PLCL2: variants seen among roughly 807,000 people sequenced by gnomAD.
PLCL2 encodes the protein inactive phospholipase C-like protein 2.
A neutral mutation model predicts 79.6 loss-of-function variants in PLCL2; 4 were observed. The ratio of observed to expected loss-of-function variants is 0.05; its 90% CI spans 0.02 to 0.11. The LOEUF is 0.11. Ranked by LOEUF, PLCL2 falls within the 10% of genes least tolerant of loss-of-function variation. The pLI is 1.00. For missense variants in PLCL2, 895 were observed against 1,291.0 expected (o/e 0.69, Z 4.70); for synonymous variants, 484 against 457.7 (o/e 1.06, Z -0.73).
At chr3:17,050,199 A>G (rs1453169326) in intron 4 of PLCL2, among the ~76,000 whole-genome samples, 3 of 152,162 alleles carry the variant, frequency 2.0e-5, no homozygotes, top group Non-Finnish European at 2.9e-5. Flanking sequence ...TAAATCTGTG[A>G]CATCAAACTG....
intron 1 of PLCL2, among the ~76,000 whole-genome samples, chr3:16,959,062 C>G (rs549735157): frequency 6.6e-6 from 1 of 152,182 alleles, no homozygotes; most frequent in African/African-American, 2.4e-5. Flanking sequence ...CAACTCTGCT[C>G]CAGTGCTAAC....
chr3:16,967,111 G>A (rs2063815597), intron 1 of PLCL2, among the ~76,000 whole-genome samples: 2 of 152,050 alleles, frequency 1.3e-5, no homozygotes, highest in South Asian at 4.1e-4. Flanking sequence ...TTCTTTTTAT[G>A]GCTGTGTAGT....
At chr3:16,961,795 A>G (rs1441943005) in intron 1 of PLCL2, among the ~76,000 whole-genome samples, 1 of 151,946 alleles carries the variant, frequency 6.6e-6, no homozygotes, top group Non-Finnish European at 1.5e-5. Context: ...AGTATGTGAA[A>G]CCCCCATGTA....
chr3:16,925,382 A>G (rs1697222834), intron 1 of PLCL2, among the ~76,000 whole-genome samples: 1 of 152,034 alleles, frequency 6.6e-6, no homozygotes, highest in Admixed American at 6.5e-5. Flanking sequence ...GCTGCTATCT[A>G]ATGTTTTTAA....
intron 1 of PLCL2, among the ~76,000 whole-genome samples, chr3:16,989,915 C>T (rs1319322677): frequency 3.3e-5 from 5 of 151,892 alleles, no homozygotes; most frequent in Admixed American, 3.3e-4. Context: ...TGTAGGTGCT[C>T]AGACAGGATA....
intron 1 of PLCL2, among the ~76,000 whole-genome samples, chr3:16,896,216 G>T (rs1262313835): frequency 6.6e-6 from 1 of 152,072 alleles, no homozygotes; most frequent in Non-Finnish European, 1.5e-5. Flanking sequence ...GCTGTCTGTG[G>T]ATCAGCATGT....
chr3:16,965,442 A>G (rs1387385855), intron 1 of PLCL2, among the ~76,000 whole-genome samples: 1 of 152,044 alleles, frequency 6.6e-6, no homozygotes, highest in East Asian at 1.9e-4. Flanking sequence ...TATAGTTTGA[A>G]GTCAGGTAGC....
chr3:17,069,488 T>C (rs745826593), intron 5 of PLCL2, among the ~76,000 whole-genome samples: 1 of 152,132 alleles, frequency 6.6e-6, no homozygotes, highest in East Asian at 1.9e-4. Flanking sequence ...AGCCTCATCT[T>C]TGGGAGAGAG....
rs1325427485 is a variant in PLCL2, at chr3:17,009,665, T to TC, written c.328-7dup. The TC allele has an allele frequency of 1.4e-6, 2 of 1,463,668 alleles. No homozygotes were observed. Among genetic ancestry groups the TC allele is most frequent in the East Asian group, 2.3e-5 (1 of 43,350 alleles). 90.7% of individuals were successfully genotyped at this position (1,463,668 alleles called of 1,614,324 possible). On this transcript the variant is annotated splice_polypyrimidine_tract_variant and intron_variant, in intron 1 of 5. Transcript: ENST00000615277. This position sits in a 1 kb window ranked among gnomAD's most constrained non-coding sequence, Gnocchi z 4.0. ...GTTATTCTAATATACGGTCTTTTTT[T>TC]CCTCTCAGGATGGTACAAAACAGAA...
At chr3:17,037,680 T>C (rs1246909190) in intron 3 of PLCL2, among the ~76,000 whole-genome samples, 1 of 152,204 alleles carries the variant, frequency 6.6e-6, no homozygotes, top group Non-Finnish European at 1.5e-5. Flanking sequence ...ATTCAGATGT[T>C]ATTACTAAAA....
chr3:16,940,665 A>T (rs546813866), intron 1 of PLCL2, among the ~76,000 whole-genome samples: 1 of 152,354 alleles, frequency 6.6e-6, no homozygotes, highest in Non-Finnish European at 1.5e-5. Context: ...AAAATAAAAT[A>T]AAATAAGTCT....
chr3:17,082,145 T>G (rs1001595274), intron 5 of PLCL2, among the ~76,000 whole-genome samples: 1 of 148,640 alleles, frequency 6.7e-6, no homozygotes, highest in African/African-American at 2.5e-5. Flanking sequence ...CAGAGTTTTT[T>G]TTTTTTTTTT....
At chr3:17,028,446 T>C (rs1220151289) in intron 3 of PLCL2, among the ~76,000 whole-genome samples, 1 of 152,022 alleles carries the variant, frequency 6.6e-6, no homozygotes, top group African/African-American at 2.4e-5. Flanking sequence ...TCACAACTTA[T>C]AATTATACAT....
chr3:16,892,576 A>G (rs1382119325), intron 1 of PLCL2, among the ~76,000 whole-genome samples: 1 of 152,232 alleles, frequency 6.6e-6, no homozygotes, highest in African/African-American at 2.4e-5. Flanking sequence ...TGGAAGTGCT[A>G]TAAAATTAAT....
At chr3:16,899,671 G>A (rs149503084) in intron 1 of PLCL2, among the ~76,000 whole-genome samples, 7 of 152,154 alleles carry the variant, frequency 4.6e-5, no homozygotes, top group East Asian at 1.9e-4. Context: ...AGTACTTTTC[G>A]CATGACTGAC....
chr3:16,924,167 T>A (rs1014680983), intron 1 of PLCL2, among the ~76,000 whole-genome samples: 7 of 152,222 alleles, frequency 4.6e-5, no homozygotes, highest in African/African-American at 1.7e-4. Context: ...CAATACTTCA[T>A]CCCTTTGCAT....
In PLCL2 at chr3:16,999,363, A is replaced by G. The variant is rs533707868; in HGVS notation, c.328-10311A>G. 2.8e-4 allele frequency among the ~76,000 whole-genome samples: 42 copies of G among 152,306 alleles called. No individual in the cohort carries two copies. The South Asian group carries it at 8.7e-3, about 32-fold the overall frequency. On this transcript the variant is annotated intron_variant, in intron 1 of 5. Transcript: ENST00000615277. ...ATCTTTCAACAAATCCTAAGTGTTT[A>G]GAGTATTGCAGTGACACATTTATGA...
intron 5 of PLCL2, among the ~76,000 whole-genome samples, chr3:17,078,990 G>A (rs1386414902): frequency 6.6e-6 from 1 of 152,074 alleles, no homozygotes; most frequent in African/African-American, 2.4e-5. Context: ...TGTTCTTTCT[G>A]GTCCATTTGA....
chr3:16,961,839 A>G (rs1243390830), intron 1 of PLCL2, among the ~76,000 whole-genome samples: 1 of 152,174 alleles, frequency 6.6e-6, no homozygotes, highest in African/African-American at 2.4e-5. Context: ...CCCAGGACCC[A>G]AGGGGGCAAA....
Sources: gnomAD v4.1 joint callset for allele counts (sites outside exome capture counted in the v4.1 genomes callset) on GRCh38, gnomAD v4.1.1 for gene constraint, Gnocchi (gnomAD v3.1) non-coding constraint, MANE v1.5 for transcripts, NCBI Gene and HGNC (gene_info 2026-07-23, HGNC 2026-07-21) for gene names.